DYTN: variants seen among roughly 807,000 people sequenced by gnomAD.
The protein encoded by DYTN is dystrotelin.
DYTN carries 75 observed loss-of-function variants against 69.6 expected under a neutral mutation model. The observed-to-expected ratio is 1.08, with a 90% CI of 0.89 to 1.31. The LOEUF (loss-of-function observed/expected upper bound fraction) is 1.31, where lower values mean the gene tolerates loss of function less well. Ranked by LOEUF, DYTN falls within the 50% of genes most tolerant of loss-of-function variation. The probability of loss-of-function intolerance (pLI) is 0.00; values close to 1 mark genes in which losing one functional copy is unlikely to be tolerated. For synonymous variants in DYTN, 252 were observed against 249.1 expected (o/e 1.01, Z -0.11); for missense variants, 726 against 688.4 (o/e 1.05, Z -0.61).
At chr2:206,694,692 G>A (rs1699900944) in intron 8 of DYTN, 74 bp downstream of exon 8, 22 of 1,221,274 alleles carry the variant, frequency 1.8e-5, no homozygotes, top group Non-Finnish European at 2.3e-5. Flanking sequence ...TTCACTGGAG[G>A]GAAGGTTTTT....
At position 206,710,618 on chromosome 2, in the gene DYTN, T is replaced by C. The variant is rs767298558; in HGVS notation, c.20-20A>G. On this transcript the variant is annotated intron_variant, in intron 1 of 11. Transcript: ENST00000452335. ...GAGCATCTGTAAAGAAAACGTAAAA[T>C]ATTATGAATAAAGTCTCTCTCATTA... is the stretch of plus-strand genomic sequence containing the variant. 5.8e-6 allele frequency: 9 copies of C among 1,549,906 alleles called. No homozygotes were observed. The South Asian group carries it at 1.1e-4, about 18-fold the overall frequency.
chr2:206,704,721 A>C, intron 5 of DYTN, 122 bp downstream of exon 5: 1 of 783,462 alleles, frequency 1.3e-6, no homozygotes, highest in Non-Finnish European at 2.1e-6. Flanking sequence ...GCTATGGAGG[A>C]GAGAGCTTGC....
chr2:206,666,546 T>C (rs1008388970), intron 9 of DYTN, among the ~76,000 whole-genome samples: 2 of 152,178 alleles, frequency 1.3e-5, no homozygotes, highest in Admixed American at 1.3e-4. Flanking sequence ...ACTATCCTTT[T>C]GTCTAGAAAT....
intron 1 of DYTN, among the ~76,000 whole-genome samples, chr2:206,711,610 G>A (rs1700078873): frequency 6.6e-6 from 1 of 150,556 alleles, no homozygotes; most frequent in Admixed American, 6.6e-5. Flanking sequence ...TATACTTTAA[G>A]TTTTAGGGTA....
chr2:206,688,748 G>A (rs1196722877), intron 9 of DYTN, among the ~76,000 whole-genome samples: 1 of 152,044 alleles, frequency 6.6e-6, no homozygotes, highest in African/African-American at 2.4e-5. Flanking sequence ...TTAGAAATTT[G>A]GCATTTTTTC....
chr2:206,659,967 T>C (rs1243960450), intron 11 of DYTN, among the ~76,000 whole-genome samples: 1 of 149,492 alleles, frequency 6.7e-6, no homozygotes, highest in Non-Finnish European at 1.5e-5. Context: ...ATTCAAGAAA[T>C]TTTATGTTTT....
intron 9 of DYTN, among the ~76,000 whole-genome samples, chr2:206,683,479 G>A (rs1277940530): frequency 6.6e-6 from 1 of 151,602 alleles, no homozygotes; most frequent in Non-Finnish European, 1.5e-5. Flanking sequence ...AAGTAGCTGG[G>A]ATTACTGGTA....
At chr2:206,656,651 G>A (rs1481889246) in intron 11 of DYTN, among the ~76,000 whole-genome samples, 1 of 151,718 alleles carries the variant, frequency 6.6e-6, no homozygotes, top group Non-Finnish European at 1.5e-5. Flanking sequence ...CTTACTATGA[G>A]GCTTATATAA....
rs939900905 is a variant in DYTN at position 206,665,921 on chromosome 2, G to C, written c.1089C>G (p.Thr363=). 1 of 1,613,894 alleles carries C rather than the reference G, an allele frequency of 6.2e-7. No individual in the cohort carries two copies. Among genetic ancestry groups the C allele is most frequent in the Non-Finnish European group, 8.5e-7 (1 of 1,179,854 alleles). Residue 363 remains threonine (T), a synonymous_variant, in exon 10 of 12, where the codon ACC becomes ACG. Coordinates refer to ENST00000452335, the MANE Select transcript of DYTN (RefSeq NM_001093730.1). ...GCTTGGTCCATAGACTATCCTGGTT[G>C]GTTTTGAGTTTGTGAATCCTTGTTT... ...RFETRIHKLK[T]NQDSLWTKLQ...
At position 206,651,900 on chromosome 2, in the gene DYTN, A is replaced by G. The variant is rs201045992; in HGVS notation, c.1655T>C (p.Met552Thr). Residue 552 changes from methionine (M) to threonine (T), a missense_variant, in exon 12 of 12, where the codon ATG becomes ACG. Physicochemically the swap from Met to Thr is moderately conservative, Grantham distance 81. Coordinates refer to ENST00000452335, the MANE Select transcript of DYTN (RefSeq NM_001093730.1). ...TPSGPESSVN[M>T]DLYSGAQRVC... ...TCGCTGAGCTCCACTGTACAGGTCCATGTTTACTGAAGACTCCGGGCCTGA... is the reference window on the plus strand; with the variant it reads ...TCGCTGAGCTCCACTGTACAGGTCCGTGTTTACTGAAGACTCCGGGCCTGA... The G allele has an allele frequency of 3.8e-4, 621 of 1,613,150 alleles. 4 individuals carry two copies. The African/African-American group carries it at 7.1e-3, about 18-fold the overall frequency.
At chr2:206,705,041 G>C in intron 4 of DYTN, 98 bp from the exon 5 acceptor site, 4 of 943,448 alleles carry the variant, frequency 4.2e-6, no homozygotes, top group Non-Finnish European at 6.6e-6. Context: ...GGCTATGAAA[G>C]GAAAGAGAAG....
At position 206,704,962 on chromosome 2, in the gene DYTN, C is replaced by G; in HGVS notation, c.383-19G>C. The G allele has an allele frequency of 3.1e-6, 5 of 1,596,674 alleles. No homozygotes were observed. The highest frequency in any genetic ancestry group is 3.4e-6 in the Non-Finnish European group (4 of 1,165,916). Reference sequence around the variant, plus strand: ...AAAAGAGCTAGACATGTAGGAGGAACAATCTTTAAATTGAATACTTGCAAT... The same window carrying G: ...AAAAGAGCTAGACATGTAGGAGGAAGAATCTTTAAATTGAATACTTGCAAT... On this transcript the variant is annotated intron_variant, in intron 4 of 11. Transcript: ENST00000452335.
In DYTN at chr2:206,651,837, G is replaced by T. The variant is rs373954592; in HGVS notation, c.1718C>A (p.Ala573Asp). 1.9e-6 allele frequency: 3 copies of T among 1,613,530 alleles called. No homozygotes were observed. The highest frequency in any genetic ancestry group is 2.2e-5 in the East Asian group (1 of 44,882). The part of the protein sequence containing the change: ...RAFSALVDQI[A>D]LPNLK ...TCCATTTCACTTCAAATTGGGCAAG[G>T]CAATTTGATCAACAAGGGCAGAGAA... Residue 573 changes from alanine (A) to aspartate (D), a missense_variant, in exon 12 of 12, where the codon GCC becomes GAC. Physicochemically the swap from Ala to Asp is moderately radical, Grantham distance 126 (BLOSUM62 -2). Coordinates refer to ENST00000452335, the MANE Select transcript of DYTN (RefSeq NM_001093730.1).
At position 206,718,197 on chromosome 2, in the gene DYTN, A is replaced by G. The variant is rs116116443; in HGVS notation, c.19+64T>C. 1.6e-3 allele frequency: 2,443 copies of G among 1,516,426 alleles called. 14 individuals carry two copies. The highest frequency in any genetic ancestry group is 9.8e-3 in the African/African-American group (705 of 71,978). 93.9% of individuals were successfully genotyped at this position (1,516,426 alleles called of 1,614,324 possible). ...TTCTTCAAATCAGAGGTCTGAAAATATAACATCTGTGCCTAATTTTTCTGT... is the reference window on the plus strand; with the variant it reads ...TTCTTCAAATCAGAGGTCTGAAAATGTAACATCTGTGCCTAATTTTTCTGT... On this transcript the variant is annotated intron_variant, in intron 1 of 11. Transcript: ENST00000452335.
At chr2:206,652,345 A>G (rs918297812) in intron 11 of DYTN, among the ~76,000 whole-genome samples, 3 of 152,220 alleles carry the variant, frequency 2.0e-5, no homozygotes, top group African/African-American at 7.2e-5. Context: ...CGGCTAGTCC[A>G]GACACCACAT....
intron 5 of DYTN, among the ~76,000 whole-genome samples, chr2:206,703,639 A>G (rs2105900362): frequency 6.6e-6 from 1 of 152,354 alleles, no homozygotes; most frequent in South Asian, 2.1e-4. Flanking sequence ...CAAAGCAAAG[A>G]TAATTCTGAA....
At chr2:206,690,219 G>A (rs577319873) in intron 9 of DYTN, among the ~76,000 whole-genome samples, 2 of 152,286 alleles carry the variant, frequency 1.3e-5, no homozygotes, top group East Asian at 1.9e-4. Flanking sequence ...GTCAAGCCAC[G>A]CAGGGAGGTG....
At chr2:206,714,327 C>A (rs928860835) in intron 1 of DYTN, among the ~76,000 whole-genome samples, 2 of 152,156 alleles carry the variant, frequency 1.3e-5, no homozygotes, top group African/African-American at 2.4e-5. Context: ...CTCAGCCTCC[C>A]GAGTAGCTGG....
chr2:206,699,018 A>G (rs1345599651), intron 7 of DYTN, among the ~76,000 whole-genome samples: 2 of 152,248 alleles, frequency 1.3e-5, no homozygotes, highest in Non-Finnish European at 2.9e-5. Context: ...GGCTTACAAC[A>G]CATTTTAAAT....
Sources: allele counts gnomAD v4.1 joint callset (sites outside exome capture counted in the v4.1 genomes callset), GRCh38; gene constraint gnomAD v4.1.1; transcripts MANE v1.5; gene names NCBI Gene and HGNC (gene_info 2026-07-23, HGNC 2026-07-21).